SBNO1: variants seen among roughly 807,000 people sequenced by gnomAD.
SBNO1 encodes strawberry notch homolog 1, also known as protein strawberry notch homolog 1.
A neutral mutation model predicts 173.6 loss-of-function variants in SBNO1; 23 were observed. That is an observed-to-expected ratio of 0.13 (90% CI 0.10 to 0.19). SBNO1 has a LOEUF of 0.19. Among genes scored for constraint, SBNO1 ranks in the 10% least tolerant of loss-of-function variants. SBNO1 has a pLI of 1.00. For synonymous variants in SBNO1, 632 were observed against 571.5 expected (o/e 1.11, Z -1.51); for missense variants, 1,238 against 1,671.2 (o/e 0.74, Z 4.52).
At chr12:123,364,613 G>A (rs910135670) in intron 1 of SBNO1, 88 bp downstream of exon 1, 122 of 913,318 alleles carry the variant, frequency 1.3e-4, no homozygotes, top group Non-Finnish European at 1.4e-4. Flanking sequence ...CCCCCAGCCT[G>A]GCCCCGCACG....
chr12:123,297,892 G>T, intron 31 of SBNO1, 86 bp downstream of exon 31: 1 of 1,212,808 alleles, frequency 8.2e-7, no homozygotes, highest in Non-Finnish European at 1.2e-6. Context: ...AGATGCATGT[G>T]GAATAAAGCT....
In SBNO1 at chr12:123,289,157, CA is replaced by C. The variant is rs2048476450; in HGVS notation, c.*6750del. On this transcript the variant is annotated 3_prime_UTR_variant, in exon 32 of 32. Transcript: ENST00000602398. Reference sequence around the variant, plus strand: ...AATCTTACAAAAACAAAAAACAAAACAAAAACCACCACAACAGAAAAAAAAA... The same window carrying C: ...AATCTTACAAAAACAAAAAACAAAACAAAACCACCACAACAGAAAAAAAAA... 6.6e-6 allele frequency: 1 copy of C among 150,530 alleles called. No homozygotes were observed. The highest frequency in any genetic ancestry group is 1.5e-5 in the Non-Finnish European group (1 of 67,686). 9.3% of individuals were successfully genotyped at this position (150,530 alleles called of 1,614,324 possible).
Position 123,299,605 on chromosome 12 carries a change from TCA to T in SBNO1, c.3846-1436_3846-1435del, listed in dbSNP as rs542073985. Among the ~76,000 whole-genome samples, 888 of 126,248 alleles carry T rather than the reference TCA, an allele frequency of 7.0e-3. 8 individuals carry two copies. The highest frequency in any genetic ancestry group is 8.5e-3 in the Admixed American group (90 of 10,602). The allele number at this position is 126,248 out of a possible 152,430, so 82.8% of individuals were successfully genotyped here. On this transcript the variant is annotated intron_variant, in intron 30 of 31. Transcript: ENST00000602398. ...CTGAGGCAGAAGAATGGCGTAAACC[TCA>T]GAGGCGGAGCTTGCAGTGAGCCAAG... is the stretch of plus-strand genomic sequence containing the variant.
intron 28 of SBNO1, among the ~76,000 whole-genome samples, chr12:123,306,774 T>A (rs2048925284): frequency 1.3e-5 from 2 of 151,810 alleles, no homozygotes; most frequent in African/African-American, 4.8e-5. Context: ...GATATTACAC[T>A]ACAGTTTTAA....
intron 23 of SBNO1, 109 bp from the exon 24 acceptor site, chr12:123,313,828 C>G (rs1011899165): frequency 1.6e-6 from 1 of 623,140 alleles, no homozygotes; most frequent in Admixed American, 2.6e-5. Flanking sequence ...GTGGCTCATG[C>G]CTGTAATCCC....
intron 19 of SBNO1, among the ~76,000 whole-genome samples, 164 bp downstream of exon 19, chr12:123,320,268 A>G (rs1369339108): frequency 1.3e-5 from 2 of 152,232 alleles, no homozygotes; most frequent in African/African-American, 4.8e-5. Context: ...AGACACTCAG[A>G]TACTGCAGGC....
Position 123,324,563 on chromosome 12 carries a change from C to T in SBNO1, c.1974-732G>A, listed in dbSNP as rs533006276. On this transcript the variant is annotated intron_variant, in intron 15 of 31. Coordinates refer to ENST00000602398, the MANE Select transcript of SBNO1 (RefSeq NM_001167856.3). Reference sequence around the variant, plus strand: ...TCTCAAACTCCTGAGCTCTCGTGATCCACCAGACTCAGCCTCCCAAAGTGC... The same window carrying T: ...TCTCAAACTCCTGAGCTCTCGTGATTCACCAGACTCAGCCTCCCAAAGTGC... 5.9e-5 allele frequency among the ~76,000 whole-genome samples: 9 copies of T among 151,810 alleles called. No homozygotes were observed. The East Asian group carries it at 1.8e-3, about 30-fold the overall frequency.
intron 31 of SBNO1, among the ~76,000 whole-genome samples, chr12:123,296,331 A>C (rs1327489974): frequency 8.1e-6 from 1 of 123,148 alleles, no homozygotes; most frequent in Non-Finnish European, 1.8e-5. Context: ...TTTTAACAGG[A>C]GGTTAAGAAT....
intron 8 of SBNO1, 50 bp from the exon 9 acceptor site, chr12:123,330,559 G>C (rs759833508): frequency 8.1e-6 from 7 of 861,572 alleles, no homozygotes; most frequent in Admixed American, 3.0e-5. Context: ...TATCATTCTA[G>C]AATTCAGGAA....
At chr12:123,344,977 T>C (rs1340794365) in intron 4 of SBNO1, among the ~76,000 whole-genome samples, 3 of 152,216 alleles carry the variant, frequency 2.0e-5, no homozygotes, top group Non-Finnish European at 2.9e-5. Context: ...TTAAGAAAAA[T>C]GTTAACTGAC....
Position 123,364,657 on chromosome 12 carries a change from G to A in SBNO1, c.-1+44C>T, listed in dbSNP as rs1431458565. Reference sequence around the variant, plus strand: ...AGGGTGGGAGTGGGAGGCTGTCCGGGAGGGGGAGTGTGGAAGGAGAAAAGG... The same window carrying A: ...AGGGTGGGAGTGGGAGGCTGTCCGGAAGGGGGAGTGTGGAAGGAGAAAAGG... On this transcript the variant is annotated intron_variant, in intron 1 of 31. Transcript: ENST00000602398. 2.1e-5 allele frequency: 21 copies of A among 981,978 alleles called. No homozygotes were observed. The African/African-American group carries it at 3.4e-4, about 16-fold the overall frequency. 60.8% of individuals were successfully genotyped at this position (981,978 alleles called of 1,614,324 possible).
intron 28 of SBNO1, among the ~76,000 whole-genome samples, chr12:123,306,924 C>T (rs2138905049): frequency 6.7e-6 from 1 of 148,486 alleles, no homozygotes; most frequent in East Asian, 2.0e-4. Context: ...TAGCTCACAA[C>T]TGTAATCCAG....
At position 123,323,238 on chromosome 12, in the gene SBNO1, CAG is replaced by C. The variant is rs1402822048; in HGVS notation, c.2125+440_2125+441del. On this transcript the variant is annotated intron_variant, in intron 16 of 31. Coordinates refer to ENST00000602398, the MANE Select transcript of SBNO1 (RefSeq NM_001167856.3). ...TGTGCATTCAAAATTGTACAAGTGA[CAG>C]TGAAAATTTGGAACCATTTGTGAAT... Among the ~76,000 whole-genome samples the C allele has an allele frequency of 2.0e-5, 3 of 152,204 alleles. No individual in the cohort carries two copies. The East Asian group carries it at 5.8e-4, about 29-fold the overall frequency.
chr12:123,342,405 C>A (rs563966701), intron 4 of SBNO1, among the ~76,000 whole-genome samples: 1 of 151,768 alleles, frequency 6.6e-6, no homozygotes. Context: ...GAGCCGAGAT[C>A]GCGCCACTGC....
chr12:123,327,210 C>T (rs747313216), intron 13 of SBNO1, among the ~76,000 whole-genome samples: 36 of 152,108 alleles, frequency 2.4e-4, no homozygotes, highest in African/African-American at 6.3e-4. Flanking sequence ...GAGGTTTCAA[C>T]ATGTAGGCCA....
chr12:123,341,671 G>A (rs11612234), intron 4 of SBNO1, among the ~76,000 whole-genome samples: 144,614 of 151,786 alleles, frequency 0.95, 69,011 homozygotes, highest in Non-Finnish European at 0.96. Flanking sequence ...ACAGGAATGC[G>A]CCACCATGCC....
intron 3 of SBNO1, among the ~76,000 whole-genome samples, chr12:123,346,109 A>G (rs1873102433): frequency 6.6e-6 from 1 of 152,222 alleles, no homozygotes. Flanking sequence ...GAACTATCCC[A>G]CACAAACCGA....
chr12:123,309,514 G>T lies in SBNO1; in HGVS notation c.3512C>A (p.Thr1171Asn). 2 of 1,613,704 alleles carry T rather than the reference G, an allele frequency of 1.2e-6. No homozygotes were observed. The highest frequency in any genetic ancestry group is 1.7e-6 in the Non-Finnish European group (2 of 1,179,614). Residue 1171 changes from threonine to asparagine, a missense_variant, in exon 27 of 32, where the codon ACC (threonine) becomes AAC (asparagine). By Grantham distance (65) the Thr-to-Asn change is moderately conservative (BLOSUM62 0). Around this residue, in one of 14 missense-constraint regions of SBNO1, gnomAD observed 351 missense variants for 420.3 expected, o/e 0.84. Coordinates refer to ENST00000602398, the MANE Select transcript of SBNO1 (RefSeq NM_001167856.3). ...VKKFLTPGYS[T>N]SGHVELYTIS... ...TGTGTATAATTCTACGTGGCCAGAGGTTGAATATCCTGGAGTCAGAAACTT... is the reference window on the plus strand; with the variant it reads ...TGTGTATAATTCTACGTGGCCAGAGTTTGAATATCCTGGAGTCAGAAACTT...
chr12:123,354,042 A>G (rs1874164679), intron 1 of SBNO1, among the ~76,000 whole-genome samples: 1 of 152,206 alleles, frequency 6.6e-6, no homozygotes, highest in African/African-American at 2.4e-5. Context: ...ACTGCAAACT[A>G]TTATTCAGTT....
Sources: gnomAD v4.1 joint callset for allele counts (sites outside exome capture counted in the v4.1 genomes callset) on GRCh38, gnomAD v4.1.1 for gene constraint, gnomAD v4.1.1 regional missense constraint, MANE v1.5 for transcripts, NCBI Gene and HGNC (gene_info 2026-07-23, HGNC 2026-07-21) for gene names.